ITGA1: variants seen among roughly 807,000 people sequenced by gnomAD.
ITGA1 encodes integrin alpha-1.
ITGA1 carries 85 observed loss-of-function variants against 145.9 expected under a neutral mutation model. The ratio of observed to expected loss-of-function variants is 0.58; its 90% confidence interval spans 0.49 to 0.70. ITGA1 has a LOEUF of 0.70. Among genes scored for constraint, ITGA1 ranks in the 30% least tolerant of loss-of-function variants. ITGA1 has a pLI of 0.00. For missense variants in ITGA1, 1,351 were observed against 1,418.7 expected, an observed-to-expected ratio of 0.95 and a Z score of 0.77; for synonymous variants, 520 against 495.3, an observed-to-expected ratio of 1.05 and a Z score of -0.66.
chr5:52,939,516 A>T, intron 24 of ITGA1, 74 bp from the exon 25 acceptor site: 1 of 941,874 alleles, frequency 1.1e-6, no homozygotes, highest in South Asian at 1.4e-5. Context: ...CAGATTCTTT[A>T]CACTACTGCA....
chr5:52,852,618 A>G (rs1012181740), intron 2 of ITGA1, among the ~76,000 whole-genome samples: 3 of 152,136 alleles, frequency 2.0e-5, no homozygotes, highest in Non-Finnish European at 4.4e-5. Flanking sequence ...GGGTAAGTCT[A>G]TTTTTAAATA....
chr5:52,869,874 TA>T (rs1749752135), intron 6 of ITGA1, among the ~76,000 whole-genome samples: 1 of 152,190 alleles, frequency 6.6e-6, no homozygotes, highest in African/African-American at 2.4e-5. Flanking sequence ...ACTAAATTCA[TA>T]AATAATTCTC....
intron 1 of ITGA1, among the ~76,000 whole-genome samples, chr5:52,805,344 A>G (rs1233468766): frequency 6.6e-6 from 1 of 152,154 alleles, no homozygotes; most frequent in African/African-American, 2.4e-5. Flanking sequence ...TGGAGGAGGC[A>G]AGACTGGAGG....
Position 52,909,049 on chromosome 5 carries a change from T to C in ITGA1, c.1599+8T>C. ...GTGTATGCTCTCAATCAGGTAATGG[T>C]GTCTGAGTTTGGTAGAAATCCAGGA... On this transcript the variant is annotated splice_region_variant and intron_variant, in intron 13 of 28. Coordinates refer to ENST00000282588, the MANE Select transcript of ITGA1 (RefSeq NM_181501.2). The C allele has an allele frequency of 6.2e-7, 1 of 1,600,884 alleles. No individual in the cohort carries two copies. Among genetic ancestry groups the C allele is most frequent in the Non-Finnish European group, 8.5e-7 (1 of 1,176,354 alleles).
chr5:52,849,317 G>A, intron 1 of ITGA1, 48 bp from the exon 2 acceptor site: 3 of 1,513,956 alleles, frequency 2.0e-6, no homozygotes, highest in Non-Finnish European at 2.7e-6. Context: ...AAAACATGAT[G>A]GACTCTTAGT....
chr5:52,809,799 G>C (rs1353063306), intron 1 of ITGA1, among the ~76,000 whole-genome samples: 1 of 152,066 alleles, frequency 6.6e-6, no homozygotes, highest in Non-Finnish European at 1.5e-5. Context: ...CACTGCACCT[G>C]GCCTCAACTT....
chr5:52,891,555 T>TAAAAAAAAA (rs56185635), intron 8 of ITGA1, among the ~76,000 whole-genome samples: 2 of 118,882 alleles, frequency 1.7e-5, no homozygotes, highest in African/African-American at 3.4e-5. Context: ...TCATGAACAC[T>TAAAAAAAAA]AAAAAAAAAA....
At chr5:52,801,599 T>C (rs1407760921) in intron 1 of ITGA1, 5 of 1,614,082 alleles carry the variant, frequency 3.1e-6, no homozygotes. Flanking sequence ...AATGAAGCCA[T>C]GGCAATTGAC....
intron 1 of ITGA1, among the ~76,000 whole-genome samples, chr5:52,840,243 G>A (rs569075204): frequency 6.6e-6 from 1 of 152,282 alleles, no homozygotes; most frequent in East Asian, 1.9e-4. Flanking sequence ...TACATGCAAA[G>A]GCTTACAATA....
chr5:52,927,498 A>G, intron 19 of ITGA1, 86 bp from the exon 20 acceptor site: 1 of 886,446 alleles, frequency 1.1e-6, no homozygotes. Context: ...GCAGTCACCA[A>G]GACACATCTG....
chr5:52,830,589 G>T (rs1431903124), intron 1 of ITGA1, among the ~76,000 whole-genome samples: 1 of 152,032 alleles, frequency 6.6e-6, no homozygotes, highest in African/African-American at 2.4e-5. Flanking sequence ...TCCAATTTTT[G>T]AAAATTTTCA....
Position 52,945,048 on chromosome 5 carries a change from T to C in ITGA1, c.3378+13T>C. On this transcript the variant is annotated intron_variant, in intron 27 of 28. Coordinates refer to ENST00000282588, the MANE Select transcript of ITGA1 (RefSeq NM_181501.2). ...TCAAAAAAGAGAGGTAAGTGCAACA[T>C]GAGTTTTGAAAACATTATGCATTTC... 1 of 1,585,944 alleles carries C rather than the reference T, an allele frequency of 6.3e-7. No individual in the cohort carries two copies. Among genetic ancestry groups the C allele is most frequent in the Non-Finnish European group, 8.7e-7 (1 of 1,155,710 alleles).
chr5:52,957,561 T>G lies in ITGA1; in HGVS notation c.*5110T>G, dbSNP rs897749453. 1 of 152,230 alleles carries G rather than the reference T, an allele frequency of 6.6e-6. No individual in the cohort carries two copies. Among genetic ancestry groups the G allele is most frequent in the Non-Finnish European group, 1.5e-5 (1 of 68,064 alleles). 9.4% of individuals were successfully genotyped at this position (152,230 alleles called of 1,614,324 possible). A position where few individuals can be genotyped will look rare whatever the true frequency, so the allele number is the denominator to read the frequency against. On this transcript the variant is annotated 3_prime_UTR_variant, in exon 29 of 29. Coordinates refer to ENST00000282588, the MANE Select transcript of ITGA1 (RefSeq NM_181501.2). ...CCCACAGGCTGGAGAATTTCAGTGCTATGAGACTGGGCAGTAGGAGCCAGA... is the reference window on the plus strand; with the variant it reads ...CCCACAGGCTGGAGAATTTCAGTGCGATGAGACTGGGCAGTAGGAGCCAGA...
chr5:52,938,893 T>C (rs1221626121), intron 24 of ITGA1, among the ~76,000 whole-genome samples: 2 of 149,464 alleles, frequency 1.3e-5, no homozygotes, highest in Non-Finnish European at 3.0e-5. Flanking sequence ...TGAACAAGTA[T>C]TTTTGTTGTT....
chr5:52,873,134 T>C (rs1301263841), intron 6 of ITGA1, among the ~76,000 whole-genome samples: 1 of 152,154 alleles, frequency 6.6e-6, no homozygotes, highest in Non-Finnish European at 1.5e-5. Context: ...AAATCGTTGT[T>C]TTTAGTGACC....
At chr5:52,806,691 C>T (rs1748593371) in intron 1 of ITGA1, among the ~76,000 whole-genome samples, 1 of 151,970 alleles carries the variant, frequency 6.6e-6, no homozygotes, top group East Asian at 1.9e-4. Context: ...TGTAAAATAA[C>T]TATTTTGCAG....
intron 1 of ITGA1, among the ~76,000 whole-genome samples, chr5:52,843,870 AC>A (rs1286098687): frequency 5.9e-5 from 9 of 152,154 alleles, no homozygotes; most frequent in African/African-American, 2.2e-4. Flanking sequence ...GTTTCTTAAT[AC>A]ACAAAAAGAG....
chr5:52,887,572 C>T (rs555409371), intron 7 of ITGA1, among the ~76,000 whole-genome samples: 1 of 152,162 alleles, frequency 6.6e-6, no homozygotes, highest in African/African-American at 2.4e-5. Context: ...AATACTGCTG[C>T]CTTTTTATAT....
intron 1 of ITGA1, among the ~76,000 whole-genome samples, chr5:52,825,412 G>A (rs972165801): frequency 5.9e-5 from 9 of 152,092 alleles, no homozygotes; most frequent in Non-Finnish European, 1.2e-4. Flanking sequence ...GTGTCTCTAT[G>A]TCACATTTTG....
Sources: gnomAD v4.1 joint callset for allele counts (sites outside exome capture counted in the v4.1 genomes callset) on GRCh38, gnomAD v4.1.1 for gene constraint, MANE v1.5 for transcripts, NCBI Gene and HGNC (gene_info 2026-07-23, HGNC 2026-07-21) for gene names.